The following IGF2BP3 variants were observed in gnomAD, a reference collection of about 807,000 sequenced individuals.
IGF2BP3 encodes the protein insulin like growth factor 2 mRNA binding protein 3.
A neutral mutation model predicts 73.8 loss-of-function variants in IGF2BP3; 9 were observed. That is an observed-to-expected ratio of 0.12 (90% CI 0.07 to 0.21). The LOEUF is 0.21. IGF2BP3 is among the 10% of genes least tolerant of loss of function. The pLI, the probability that IGF2BP3 is intolerant of heterozygous loss-of-function variation, is 1.00. For synonymous variants in IGF2BP3, 258 were observed against 256.7 expected (o/e 1.01, Z -0.05); for missense variants, 542 against 714.0 (o/e 0.76, Z 2.75).
chr7:23,392,451 TACAC>T (rs1554327192), intron 3 of IGF2BP3, among the ~76,000 whole-genome samples: 1 of 144,224 alleles, frequency 6.9e-6, no homozygotes, highest in South Asian at 2.2e-4. Context: ...TATATATATA[TACAC>T]ACACACACAT....
chr7:23,447,632 AC>A (rs1788097052), intron 2 of IGF2BP3, among the ~76,000 whole-genome samples: 2 of 151,966 alleles, frequency 1.3e-5, no homozygotes, highest in South Asian at 2.1e-4. Context: ...TCAGAAAAAA[AC>A]AACAACAACA....
intron 3 of IGF2BP3, among the ~76,000 whole-genome samples, chr7:23,371,261 A>G (rs1785534543): frequency 6.6e-6 from 1 of 152,078 alleles, no homozygotes; most frequent in Non-Finnish European, 1.5e-5. Context: ...CATTGCAACA[A>G]GAGAGGCAAA....
intron 3 of IGF2BP3, among the ~76,000 whole-genome samples, chr7:23,390,057 G>C (rs1786223475): frequency 6.6e-6 from 1 of 152,132 alleles, no homozygotes. Flanking sequence ...GCTAGTTTTT[G>C]CAGACAAAAT....
intron 12 of IGF2BP3, among the ~76,000 whole-genome samples, chr7:23,315,703 C>T (rs1350501899): frequency 6.6e-6 from 1 of 152,158 alleles, no homozygotes; most frequent in Non-Finnish European, 1.5e-5. Flanking sequence ...ATTACTATTA[C>T]TTAAGACAGT....
At chr7:23,321,622 G>A (rs996819490) in intron 10 of IGF2BP3, among the ~76,000 whole-genome samples, 12 of 152,336 alleles carry the variant, frequency 7.9e-5, no homozygotes, top group African/African-American at 2.4e-4. Flanking sequence ...TGGGGGCAGG[G>A]CACAGACAGA....
chr7:23,429,473 C>G (rs1036146052), intron 2 of IGF2BP3, among the ~76,000 whole-genome samples: 1 of 152,198 alleles, frequency 6.6e-6, no homozygotes, highest in African/African-American at 2.4e-5. Context: ...TTCTATCCTC[C>G]TAACCATACT....
At chr7:23,446,435 C>A (rs1196066934) in intron 2 of IGF2BP3, among the ~76,000 whole-genome samples, 1 of 151,964 alleles carries the variant, frequency 6.6e-6, no homozygotes, top group East Asian at 1.9e-4. Flanking sequence ...TGGTGGCGGG[C>A]ACCTGAAATC....
chr7:23,356,781 C>T (rs1015011470), intron 5 of IGF2BP3, among the ~76,000 whole-genome samples: 10 of 151,960 alleles, frequency 6.6e-5, no homozygotes, highest in East Asian at 1.9e-4. Context: ...AAGGATGTAC[C>T]GTAATGCAAT....
chr7:23,454,917 C>A (rs1788281062), intron 2 of IGF2BP3, among the ~76,000 whole-genome samples: 5 of 152,310 alleles, frequency 3.3e-5, no homozygotes, highest in African/African-American at 1.2e-4. Context: ...TACATGGGCT[C>A]AGTCAACCTT....
chr7:23,443,699 A>G (rs1384069098), intron 2 of IGF2BP3, among the ~76,000 whole-genome samples: 1 of 151,992 alleles, frequency 6.6e-6, no homozygotes, highest in African/African-American at 2.4e-5. Context: ...ATAAGCAAAA[A>G]TAAAAAATAA....
intron 10 of IGF2BP3, among the ~76,000 whole-genome samples, chr7:23,327,722 T>A (rs1784340568): frequency 6.6e-6 from 1 of 152,148 alleles, no homozygotes; most frequent in African/African-American, 2.4e-5. Flanking sequence ...CTCTGACAGC[T>A]TTACTAGATG....
At chr7:23,377,732 C>T (rs116061280) in intron 3 of IGF2BP3, among the ~76,000 whole-genome samples, 2 of 152,048 alleles carry the variant, frequency 1.3e-5, no homozygotes, top group Non-Finnish European at 2.9e-5. Context: ...GATGGATAAA[C>T]AGTAAGTGGT....
chr7:23,438,357 G>T (rs539331620), intron 2 of IGF2BP3, among the ~76,000 whole-genome samples: 1 of 151,934 alleles, frequency 6.6e-6, no homozygotes, highest in African/African-American at 2.4e-5. Flanking sequence ...TAAGTAATCT[G>T]CCCCCCTTGG....
intron 10 of IGF2BP3, 60 bp downstream of exon 10, chr7:23,342,004 G>A (rs1784724233): frequency 6.8e-7 from 1 of 1,470,692 alleles, no homozygotes; most frequent in Admixed American, 2.7e-5. Flanking sequence ...ATCACGCGGG[G>A]ACTAGGTTTA....
At chr7:23,353,762 T>C (rs1448328008) in intron 5 of IGF2BP3, among the ~76,000 whole-genome samples, 1 of 152,218 alleles carries the variant, frequency 6.6e-6, no homozygotes, top group African/African-American at 2.4e-5. Flanking sequence ...AGCTGACACA[T>C]GCCACACTTA....
At chr7:23,312,656 T>G in intron 14 of IGF2BP3, 79 bp downstream of exon 14, 1 of 1,068,158 alleles carries the variant, frequency 9.4e-7, no homozygotes, top group South Asian at 1.4e-5. Flanking sequence ...CCTTAACTAA[T>G]TCTATCAGGT....
chr7:23,374,153 AAAG>A (rs1383230034), intron 3 of IGF2BP3, among the ~76,000 whole-genome samples: 3 of 152,222 alleles, frequency 2.0e-5, no homozygotes, highest in Non-Finnish European at 4.4e-5. Flanking sequence ...ACAGGGACTC[AAAG>A]AAGTACTTCT....
chr7:23,380,121 T>C (rs1017630324), intron 3 of IGF2BP3, among the ~76,000 whole-genome samples: 9 of 151,818 alleles, frequency 5.9e-5, no homozygotes, highest in African/African-American at 2.2e-4. Context: ...ACTGTGAATT[T>C]TGAGGTAAAA....
At chr7:23,412,141 C>T (rs1055562053) in intron 3 of IGF2BP3, among the ~76,000 whole-genome samples, 1 of 151,980 alleles carries the variant, frequency 6.6e-6, no homozygotes, top group Non-Finnish European at 1.5e-5. Flanking sequence ...CGCTACCATG[C>T]CTGGCTAATT....
Sources: gnomAD v4.1 joint callset for allele counts (sites outside exome capture counted in the v4.1 genomes callset) on GRCh38, gnomAD v4.1.1 for gene constraint, MANE v1.5 for transcripts, NCBI Gene and HGNC (gene_info 2026-07-23, HGNC 2026-07-21) for gene names.